The following BCL9L variants were observed in gnomAD, a reference collection of about 807,000 sequenced individuals.
BCL9L encodes BCL9 like, also known as B-cell CLL/lymphoma 9-like protein.
A neutral mutation model predicts 99.4 loss-of-function variants in BCL9L; 19 were observed. The observed-to-expected ratio is 0.19, with a 90% confidence interval of 0.13 to 0.28. The LOEUF is 0.28. BCL9L is among the 10% of genes least tolerant of loss of function. BCL9L has a pLI of 1.00. For missense variants in BCL9L, 2,023 were observed against 2,101.6 expected (o/e 0.96, Z 0.73); for synonymous variants, 900 against 854.8 (o/e 1.05, Z -0.92).
Position 118,901,018 on chromosome 11 carries a change from C to A in BCL9L, c.2725G>T (p.Gly909Trp), listed in dbSNP as rs2137687865. ...AGGTCCGAAGGCCGCCTGCCTAGCCCCCGGTTTGGGGCTGAATGCACGGTC... is the reference window on the plus strand; with the variant it reads ...AGGTCCGAAGGCCGCCTGCCTAGCCACCGGTTTGGGGCTGAATGCACGGTC... Reference protein sequence around the residue: ...PGTVHSAPNRGLGRRPSDLTI... With the variant: ...PGTVHSAPNRWLGRRPSDLTI... Residue 909 changes from glycine to tryptophan, a missense_variant, in exon 8 of 10, where the codon GGG (glycine) becomes TGG (tryptophan). By Grantham distance (184) the Gly-to-Trp change is radical (BLOSUM62 -2). Transcript: ENST00000683865. The surrounding 1 kb of genome is among the most constrained non-coding windows in gnomAD (Gnocchi z 6.6). The A allele has an allele frequency of 6.4e-7, 1 of 1,561,366 alleles. No individual in the cohort carries two copies. Among genetic ancestry groups the A allele is most frequent in the Non-Finnish European group, 8.7e-7 (1 of 1,152,684 alleles).
chr11:118,901,572 G>C lies in BCL9L; in HGVS notation c.2171C>G (p.Pro724Arg). The change falls in exon 8 of 10, where the codon CCC becomes CGC. Residue 724 changes from proline to arginine, a missense_variant. Pro to Arg is a moderately radical substitution (Grantham distance 103, BLOSUM62 -2). Coordinates refer to ENST00000683865, the MANE Select transcript of BCL9L (RefSeq NM_001378213.1). The surrounding 1 kb of genome is among the most constrained non-coding windows in gnomAD (Gnocchi z 6.6). ...GCCCTCACCACCAGCCATCTGCCCGGGAAACATGGCAGGATCCATCTGTCG... is the reference window on the plus strand; with the variant it reads ...GCCCTCACCACCAGCCATCTGCCCGCGAAACATGGCAGGATCCATCTGTCG... ...AHRQMDPAMF[P>R]GQMAGGEGLA... The C allele has an allele frequency of 6.2e-7, 1 of 1,614,122 alleles. No homozygotes were observed. Among genetic ancestry groups the C allele is most frequent in the Non-Finnish European group, 8.5e-7 (1 of 1,180,010 alleles).
rs768053564 is a variant in BCL9L at position 118,908,502 on chromosome 11, C to G, written c.180G>C (p.Gln60His). The change falls in exon 4 of 10, where the codon CAG (glutamine) becomes CAC (histidine). Residue 60 changes from glutamine (Q) to histidine (H), a missense_variant. Around this residue, in one of 3 missense-constraint regions of BCL9L, gnomAD observed 1,116 missense variants for 1,194.6 expected, o/e 0.93. Coordinates refer to ENST00000683865, the MANE Select transcript of BCL9L (RefSeq NM_001378213.1). ...TGNGGAQSQH[Q>H]NVNQGPTCNV... ...TGCAGGTGGGTCCTTGGTTCACATTCTGGTGCTGAGATTGGGCCCCGCCAT... is the reference window on the plus strand; with the variant it reads ...TGCAGGTGGGTCCTTGGTTCACATTGTGGTGCTGAGATTGGGCCCCGCCAT... The G allele has an allele frequency of 6.2e-7, 1 of 1,614,172 alleles. No individual in the cohort carries two copies.
In BCL9L at chr11:118,903,590, C is replaced by T. The variant is rs948978604; in HGVS notation, c.533-138G>A. Reference sequence around the variant, plus strand: ...TTGATGTCAGTATCTGGTGTTCTCACCAGGCTGGTTTCCACGATGGCAAGA... The same window carrying T: ...TTGATGTCAGTATCTGGTGTTCTCATCAGGCTGGTTTCCACGATGGCAAGA... On this transcript the variant is annotated intron_variant, in intron 5 of 9. Transcript: ENST00000683865. This position sits in a 1 kb window ranked among gnomAD's most constrained non-coding sequence, Gnocchi z 5.6. The T allele has an allele frequency of 1.0e-6, 1 of 993,670 alleles. No homozygotes were observed. The highest frequency in any genetic ancestry group is 1.5e-6 in the Non-Finnish European group (1 of 653,338). The allele number at this position is 993,670 out of a possible 1,614,324, so 61.6% of individuals were successfully genotyped here.
chr11:118,901,807 T>A lies in BCL9L; in HGVS notation c.1936A>T (p.Met646Leu). 1 of 1,610,686 alleles carries A rather than the reference T, an allele frequency of 6.2e-7. No individual in the cohort carries two copies. Among genetic ancestry groups the A allele is most frequent in the South Asian group, 1.1e-5 (1 of 90,976 alleles). ...GMGWTEDLPP[M>L]GGPSNFAQNT... ...TGGGCAAAATTGCTGGGTCCCCCCA[T>A]AGGGGGCAAGTCTTCGGTCCAGCCC... Residue 646 changes from methionine to leucine, a missense_variant, in exon 8 of 10, where the codon ATG becomes TTG. Around this residue, in one of 3 missense-constraint regions of BCL9L, gnomAD observed 1,116 missense variants for 1,194.6 expected, o/e 0.93. Coordinates refer to ENST00000683865, the MANE Select transcript of BCL9L (RefSeq NM_001378213.1). The surrounding 1 kb of genome is among the most constrained non-coding windows in gnomAD (Gnocchi z 6.6).
Position 118,898,294 on chromosome 11 carries a change from G to GCCCCCCCCCCCCCCCCCCCCCCCCCCCCC in BCL9L, c.*120_*121insGGGGGGGGGGGGGGGGGGGGGGGGGGGGG. 1 of 452,312 alleles carries GCCCCCCCCCCCCCCCCCCCCCCCCCCCCC rather than the reference G, an allele frequency of 2.2e-6. No individual in the cohort carries two copies. Among genetic ancestry groups the GCCCCCCCCCCCCCCCCCCCCCCCCCCCCC allele is most frequent in the Non-Finnish European group, 4.1e-6 (1 of 244,762 alleles). The allele number at this position is 452,312 out of a possible 1,614,324, so 28.0% of individuals were successfully genotyped here. A position where few individuals can be genotyped will look rare whatever the true frequency, so the allele number is the denominator to read the frequency against. The stretch of plus-strand genomic sequence containing the variant: ...TCCACAAATGCCACTCCCTACACAA[G>GCCCCCCCCCCCCCCCCCCCCCCCCCCCCC]CCCCCTCCCACCCCCTCCACCCCAC... On this transcript the variant is annotated 3_prime_UTR_variant, in exon 10 of 10. Coordinates refer to ENST00000683865, the MANE Select transcript of BCL9L (RefSeq NM_001378213.1).
chr11:118,905,878 G>A (rs1025508793), intron 5 of BCL9L, among the ~76,000 whole-genome samples: 1 of 151,910 alleles, frequency 6.6e-6, no homozygotes, highest in Non-Finnish European at 1.5e-5. Context: ...TAAAATAGTC[G>A]CCTTGAGTAT....
At position 118,899,287 on chromosome 11, in the gene BCL9L, C is replaced by T. The variant is rs779004077; in HGVS notation, c.3628G>A (p.Asp1210Asn). 3.0e-5 allele frequency: 46 copies of T among 1,529,642 alleles called. No individual in the cohort carries two copies. Among genetic ancestry groups the T allele is most frequent in the Middle Eastern group, 1.8e-4 (1 of 5,568 alleles). The allele number at this position is 1,529,642 out of a possible 1,614,324, so 94.8% of individuals were successfully genotyped here. ...GGGCCACAGGGGGCATTCAGGGAGT[C>T]GGGGCCCCCTGGGGCCATCATCATG... ...NSMMMAPGGP[D>N]SLNAPCGPVP... Residue 1210 changes from aspartate (D) to asparagine (N), a missense_variant, in exon 10 of 10, where the codon GAC becomes AAC. By Grantham distance (23) the Asp-to-Asn change is conservative. Transcript: ENST00000683865.
Position 118,914,482 on chromosome 11 carries a change from A to G in BCL9L, c.-77+4344T>C, listed in dbSNP as rs1225623383. Among the ~76,000 whole-genome samples the G allele has an allele frequency of 6.6e-6, 1 of 152,188 alleles. No individual in the cohort carries two copies. The highest frequency in any genetic ancestry group is 1.5e-5 in the Non-Finnish European group (1 of 68,018). Reference sequence around the variant, plus strand: ...TCCCCTGATGGCTCACACTCTTGGCAGCAGCAGCACCTGGGGGCCCCACGA... The same window carrying G: ...TCCCCTGATGGCTCACACTCTTGGCGGCAGCAGCACCTGGGGGCCCCACGA... On this transcript the variant is annotated intron_variant, in intron 2 of 9. Coordinates refer to ENST00000683865, the MANE Select transcript of BCL9L (RefSeq NM_001378213.1). This position sits in a 1 kb window ranked among gnomAD's most constrained non-coding sequence, Gnocchi z 4.4.
intron 2 of BCL9L, chr11:118,911,257 G>C (rs1172770062): frequency 2.2e-6 from 1 of 455,724 alleles, no homozygotes; most frequent in Non-Finnish European, 4.4e-6. Context: ...CTTGGGCCCA[G>C]GAGCTTCGTC....
intron 3 of BCL9L, 151 bp downstream of exon 3, chr11:118,909,763 C>T: frequency 7.6e-7 from 1 of 1,322,030 alleles, no homozygotes; most frequent in South Asian, 1.3e-5. Context: ...CCTTCCCATG[C>T]TAACCCCCCT....
At chr11:118,908,089 T>A (rs570013705) in intron 4 of BCL9L, among the ~76,000 whole-genome samples, 181 bp downstream of exon 4, 84 of 152,310 alleles carry the variant, frequency 5.5e-4, no homozygotes, top group African/African-American at 1.9e-3. Context: ...GGTGGCATCA[T>A]GGCCAACCCC....
At position 118,901,966 on chromosome 11, in the gene BCL9L, G is replaced by A. The variant is rs771176855; in HGVS notation, c.1777C>T (p.Arg593Trp). ...PMDVQDPMQL[R>W]GGPPFPGPRF... is the part of the protein sequence containing the mutation. ...GGCCCAGGAAAGGGAGGTCCGCCCC[G>A]GAGCTGCATGGGATCTTGAACATCC... Residue 593 changes from arginine (R) to tryptophan (W), a missense_variant, in exon 8 of 10, where the codon CGG becomes TGG. Coordinates refer to ENST00000683865, the MANE Select transcript of BCL9L (RefSeq NM_001378213.1). This position sits in a 1 kb window ranked among gnomAD's most constrained non-coding sequence, Gnocchi z 6.6. 3.1e-6 allele frequency: 5 copies of A among 1,612,618 alleles called. No individual in the cohort carries two copies. The Admixed American group carries it at 5.0e-5, about 16-fold the overall frequency.
chr11:118,899,846 C>A (rs1940128381), intron 9 of BCL9L, 71 bp downstream of exon 9: 1 of 1,522,836 alleles, frequency 6.6e-7, no homozygotes, highest in African/African-American at 1.4e-5. Flanking sequence ...GCCAGCACAA[C>A]CACAGCTGTG....
chr11:118,917,469 G>A (rs1034805223), intron 2 of BCL9L, among the ~76,000 whole-genome samples: 10 of 152,076 alleles, frequency 6.6e-5, no homozygotes, highest in South Asian at 2.1e-4. Context: ...TAAATAACTC[G>A]CCTAAGGCCC....
intron 1 of BCL9L, among the ~76,000 whole-genome samples, chr11:118,920,699 G>A (rs1941112878): frequency 6.6e-6 from 1 of 152,174 alleles, no homozygotes; most frequent in African/African-American, 2.4e-5. Context: ...AGGTGGACAG[G>A]TGGTATGAGG....
intron 1 of BCL9L, among the ~76,000 whole-genome samples, chr11:118,923,165 C>T (rs1654839743): frequency 6.6e-6 from 1 of 152,184 alleles, no homozygotes; most frequent in Non-Finnish European, 1.5e-5. Flanking sequence ...TCCTCCCACT[C>T]CACTCCTGGG....
At chr11:118,911,528 G>A (rs1484874338) in intron 2 of BCL9L, among the ~76,000 whole-genome samples, 2 of 152,260 alleles carry the variant, frequency 1.3e-5, no homozygotes, top group African/African-American at 4.8e-5. Context: ...CACAACCAGG[G>A]AAGAGCAGAG....
Position 118,919,570 on chromosome 11 carries a change from T to C in BCL9L, c.-130-691A>G, listed in dbSNP as rs536966800. Reference sequence around the variant, plus strand: ...ACTGGGGGGTCAAAGGGGAGTTCTTTTCCGAAGAATTCTGGGAGAGACGCC... The same window carrying C: ...ACTGGGGGGTCAAAGGGGAGTTCTTCTCCGAAGAATTCTGGGAGAGACGCC... On this transcript the variant is annotated intron_variant, in intron 1 of 9. Coordinates refer to ENST00000683865, the MANE Select transcript of BCL9L (RefSeq NM_001378213.1). Among the ~76,000 whole-genome samples the C allele has an allele frequency of 1.1e-4, 17 of 151,976 alleles. No homozygotes were observed. In the South Asian group the frequency reaches 3.5e-3, roughly 32 times the overall value.
At position 118,921,951 on chromosome 11, in the gene BCL9L, C is replaced by A. The variant is rs1431171946; in HGVS notation, c.-130-3072G>T. ...GGGGTCTTCCACAGGTTCCAGGACC[C>A]CCCACACTCAGAGCAGGCTGTGGGC... On this transcript the variant is annotated intron_variant, in intron 1 of 9. Transcript: ENST00000683865. The surrounding 1 kb of genome is among the most constrained non-coding windows in gnomAD (Gnocchi z 5.4). Among the ~76,000 whole-genome samples, 1 of 152,170 alleles carries A rather than the reference C, an allele frequency of 6.6e-6. No homozygotes were observed. Among genetic ancestry groups the A allele is most frequent in the Non-Finnish European group, 1.5e-5 (1 of 68,022 alleles).
Sources: gnomAD v4.1 joint callset for allele counts (sites outside exome capture counted in the v4.1 genomes callset) on GRCh38, gnomAD v4.1.1 for gene constraint, gnomAD v4.1.1 regional missense constraint, Gnocchi (gnomAD v3.1) non-coding constraint, MANE v1.5 for transcripts, NCBI Gene and HGNC (gene_info 2026-07-23, HGNC 2026-07-21) for gene names.